The following REC114 variants were observed in gnomAD, a reference collection of about 807,000 sequenced individuals.
The protein encoded by REC114 is REC114 meiotic recombination protein, also known as meiotic recombination protein REC114.
REC114 carries 27 observed loss-of-function variants against 31.3 expected under a neutral mutation model. The ratio of observed to expected loss-of-function variants is 0.86; its 90% confidence interval spans 0.64 to 1.19. REC114 has a LOEUF of 1.19. Ranked by LOEUF, REC114 falls within the 50% of genes most tolerant of loss-of-function variation. REC114 has a pLI of 0.00. For synonymous variants in REC114, 134 were observed against 127.7 expected (o/e 1.05, Z -0.33); for missense variants, 344 against 326.9 (o/e 1.05, Z -0.40).
chr15:73,538,688 C>A (rs907352119), intron 2 of REC114, among the ~76,000 whole-genome samples: 3 of 151,972 alleles, frequency 2.0e-5, no homozygotes, highest in African/African-American at 7.2e-5. Flanking sequence ...GATCTCTGAC[C>A]TCGTGATCCG....
intron 1 of REC114, among the ~76,000 whole-genome samples, chr15:73,455,202 A>AT (rs1427246537): frequency 6.6e-6 from 1 of 152,192 alleles, no homozygotes; most frequent in East Asian, 1.9e-4. Context: ...ATAATAAAAG[A>AT]TGAGCCATCT....
chr15:73,529,213 C>T (rs1230081913), intron 2 of REC114, among the ~76,000 whole-genome samples: 1 of 151,914 alleles, frequency 6.6e-6, no homozygotes, highest in Admixed American at 6.6e-5. Context: ...TCTCAGCTCA[C>T]TGCAAGCTCT....
At chr15:73,518,601 C>T (rs1595876066) in intron 2 of REC114, among the ~76,000 whole-genome samples, 1 of 152,360 alleles carries the variant, frequency 6.6e-6, no homozygotes, top group African/African-American at 2.4e-5. Flanking sequence ...ATCACCTGCT[C>T]ACCCCTGGAG....
At chr15:73,542,013 C>T (rs981855275) in intron 3 of REC114, among the ~76,000 whole-genome samples, 1 of 151,930 alleles carries the variant, frequency 6.6e-6, no homozygotes, top group Non-Finnish European at 1.5e-5. Flanking sequence ...GCCTAAAAAA[C>T]CAGATTTCTT....
intron 4 of REC114, among the ~76,000 whole-genome samples, chr15:73,553,282 A>C (rs1206749983): frequency 1.3e-5 from 2 of 152,154 alleles, no homozygotes; most frequent in Non-Finnish European, 2.9e-5. Context: ...ATTTTTGTGA[A>C]GATGTCTTAA....
At chr15:73,534,547 CA>C (rs1307787444) in intron 2 of REC114, among the ~76,000 whole-genome samples, 1 of 152,076 alleles carries the variant, frequency 6.6e-6, no homozygotes, top group East Asian at 1.9e-4. Context: ...AATAGCTTAC[CA>C]ACCAAAAAGA....
At chr15:73,516,205 C>T (rs1016084240) in intron 2 of REC114, among the ~76,000 whole-genome samples, 3 of 151,982 alleles carry the variant, frequency 2.0e-5, no homozygotes, top group African/African-American at 4.8e-5. Context: ...AGGCTAGTCT[C>T]GAACTCCTGA....
intron 1 of REC114, among the ~76,000 whole-genome samples, chr15:73,445,591 T>C (rs1439697666): frequency 6.6e-6 from 1 of 152,208 alleles, no homozygotes; most frequent in African/African-American, 2.4e-5. Flanking sequence ...ATGAGAGATA[T>C]GTGATTTTTC....
At chr15:73,504,221 G>C (rs1302947777) in intron 2 of REC114, among the ~76,000 whole-genome samples, 1 of 151,824 alleles carries the variant, frequency 6.6e-6, no homozygotes, top group Non-Finnish European at 1.5e-5. Context: ...TGGCCAGATG[G>C]TCTCGATCTC....
rs895033523 is a variant in REC114, at chr15:73,486,373, G to A, written c.249+12452G>A. On this transcript the variant is annotated intron_variant, in intron 2 of 5. Transcript: ENST00000331090. ...GGCCTCCCAAAGTGCTTGGATTACAGGCATGAGCCACTGTACCCGGCCACC... is the reference window on the plus strand; with the variant it reads ...GGCCTCCCAAAGTGCTTGGATTACAAGCATGAGCCACTGTACCCGGCCACC... 5.9e-5 allele frequency among the ~76,000 whole-genome samples: 9 copies of A among 152,260 alleles called. No individual in the cohort carries two copies. In the South Asian group the frequency reaches 6.2e-4, roughly 11 times the overall value.
chr15:73,521,584 C>T (rs1388833186), intron 2 of REC114, among the ~76,000 whole-genome samples: 5 of 151,936 alleles, frequency 3.3e-5, no homozygotes, highest in African/African-American at 1.2e-4. Context: ...AATTGATGAA[C>T]CCTTACAAAG....
chr15:73,549,448 G>A (rs780993534), intron 3 of REC114, among the ~76,000 whole-genome samples: 5 of 152,114 alleles, frequency 3.3e-5, no homozygotes, highest in South Asian at 2.1e-4. Flanking sequence ...ACAGGATGAC[G>A]ATAATGGAAA....
rs112737749 is a variant in REC114, at chr15:73,556,379, G to A, written c.624G>A (p.Thr208=). 65 of 1,613,284 alleles carry A rather than the reference G, an allele frequency of 4.0e-5. No individual in the cohort carries two copies. Among genetic ancestry groups the A allele is most frequent in the African/African-American group, 6.7e-5 (5 of 74,878 alleles). The change falls in exon 5 of 6, where the codon ACG becomes ACA. Residue 208 remains threonine (T), a synonymous_variant. Coordinates refer to ENST00000331090, the MANE Select transcript of REC114 (RefSeq NM_001042367.2). ...CTCCAGACGGAAGGACCTCACTGACGCAGTTAGCTCAGGTAGAGCTTATTT... is the reference window on the plus strand; with the variant it reads ...CTCCAGACGGAAGGACCTCACTGACACAGTTAGCTCAGGTAGAGCTTATTT... ...TGAPDGRTSL[T]QLAQTLLASE...
chr15:73,559,804 G>A lies in REC114; in HGVS notation c.689G>A (p.Gly230Asp). ...LPHVYEQSAW[G>D]AEELGPFLRL... ...CATGTCTATGAACAATCTGCATGGGGTGCAGAAGAGTTAGGCCCCTTCCTA... is the reference window on the plus strand; with the variant it reads ...CATGTCTATGAACAATCTGCATGGGATGCAGAAGAGTTAGGCCCCTTCCTA... Residue 230 changes from glycine to aspartate, a missense_variant, in exon 6 of 6, where the codon GGT (glycine) becomes GAT (aspartate). Physicochemically the swap from Gly to Asp is moderately conservative, Grantham distance 94 (BLOSUM62 -1). Transcript: ENST00000331090. 6.2e-7 allele frequency: 1 copy of A among 1,612,418 alleles called. No individual in the cohort carries two copies. The highest frequency in any genetic ancestry group is 8.5e-7 in the Non-Finnish European group (1 of 1,179,330).
intron 2 of REC114, among the ~76,000 whole-genome samples, chr15:73,524,454 A>G (rs1893979066): frequency 6.6e-6 from 1 of 152,194 alleles, no homozygotes; most frequent in African/African-American, 2.4e-5. Context: ...TAACAGTACA[A>G]ACAATAGTCA....
At chr15:73,503,093 G>A (rs887136799) in intron 2 of REC114, among the ~76,000 whole-genome samples, 5 of 152,178 alleles carry the variant, frequency 3.3e-5, no homozygotes. Context: ...ACAGCCACTT[G>A]GCAAAAAATT....
rs142280244 is a variant in REC114 at position 73,443,562 on chromosome 15, T to C, written c.159+218T>C. ...ACCCTTTACAGTCTCAAAATAATTATGCAAGGGAGTAGTAAACATTCATAT... is the reference window on the plus strand; with the variant it reads ...ACCCTTTACAGTCTCAAAATAATTACGCAAGGGAGTAGTAAACATTCATAT... On this transcript the variant is annotated intron_variant, in intron 1 of 5. Coordinates refer to ENST00000331090, the MANE Select transcript of REC114 (RefSeq NM_001042367.2). Among the ~76,000 whole-genome samples the C allele has an allele frequency of 2.7e-3, 410 of 152,342 alleles. 2 individuals carry two copies. Among genetic ancestry groups the C allele is most frequent in the African/African-American group, 9.5e-3 (394 of 41,582 alleles).
At chr15:73,531,114 C>T (rs572728839) in intron 2 of REC114, among the ~76,000 whole-genome samples, 5 of 152,174 alleles carry the variant, frequency 3.3e-5, no homozygotes, top group Admixed American at 6.5e-5. Context: ...GCTAATTTAC[C>T]TAGCTAAATG....
At chr15:73,467,369 T>A (rs1893076797) in intron 1 of REC114, among the ~76,000 whole-genome samples, 1 of 152,210 alleles carries the variant, frequency 6.6e-6, no homozygotes, top group South Asian at 2.1e-4. Context: ...GCACCTGCAG[T>A]GTACTGCTCC....
Sources: allele counts gnomAD v4.1 joint callset (sites outside exome capture counted in the v4.1 genomes callset), GRCh38; gene constraint gnomAD v4.1.1; transcripts MANE v1.5; gene names NCBI Gene and HGNC (gene_info 2026-07-23, HGNC 2026-07-21).